LMO7: variants seen among roughly 807,000 people sequenced by gnomAD.
LMO7 encodes the protein LIM domain 7.
A neutral mutation model predicts 206.5 loss-of-function variants in LMO7; 120 were observed. The ratio of observed to expected loss-of-function variants is 0.58; its 90% CI spans 0.50 to 0.68. The LOEUF is 0.68. LMO7 is among the 30% of genes least tolerant of loss of function. The probability of loss-of-function intolerance (pLI) is 0.00; values close to 1 mark genes in which losing one functional copy is unlikely to be tolerated. For missense variants in LMO7, 1,959 were observed against 1,957.9 expected, an observed-to-expected ratio of 1.00 and a Z score of -0.01; for synonymous variants, 706 against 681.5, an observed-to-expected ratio of 1.04 and a Z score of -0.56.
At chr13:75,751,187 G>C (rs1940351022) in intron 3 of LMO7, among the ~76,000 whole-genome samples, 1 of 97,482 alleles carries the variant, frequency 1.0e-5, no homozygotes, top group Admixed American at 1.6e-4. Context: ...TTGAGACAGA[G>C]CCTCGCTCTG....
At chr13:75,650,115 G>A (rs979064216) in intron 1 of LMO7, among the ~76,000 whole-genome samples, 2 of 150,964 alleles carry the variant, frequency 1.3e-5, no homozygotes, top group African/African-American at 2.4e-5. Flanking sequence ...GAACTACTGT[G>A]CCTGGCCACA....
intron 1 of LMO7, among the ~76,000 whole-genome samples, chr13:75,693,413 T>C (rs1333604932): frequency 6.6e-6 from 1 of 152,184 alleles, no homozygotes; most frequent in Non-Finnish European, 1.5e-5. Context: ...AAATTTCATA[T>C]CAGCTGTGTG....
At chr13:75,811,208 CTTTTTTTTT>C (rs764599899) in intron 11 of LMO7, among the ~76,000 whole-genome samples, 1 of 130,704 alleles carries the variant, frequency 7.7e-6, no homozygotes, top group Non-Finnish European at 1.6e-5. Context: ...TTTTCTTTCT[CTTTTTTTTT>C]TTTTTTTTTA....
chr13:75,656,244 G>A lies in LMO7; in HGVS notation c.69+19518G>A, dbSNP rs747908105. Among the ~76,000 whole-genome samples the A allele has an allele frequency of 4.1e-4, 63 of 152,124 alleles. 1 individual carries two copies. The highest frequency in any genetic ancestry group is 8.8e-4 in the Non-Finnish European group (60 of 68,030). On this transcript the variant is annotated intron_variant, in intron 1 of 30. Transcript: ENST00000377534. ...GCAGCTCTCTTGCCCACTCTCTGGG[G>A]GCCAAATACTTTGCCTGGAACTGTG... is the stretch of plus-strand genomic sequence containing the variant.
chr13:75,821,293 A>T lies in LMO7; in HGVS notation c.2324A>T (p.Gln775Leu). The T allele has an allele frequency of 6.2e-7, 1 of 1,614,136 alleles. No homozygotes were observed. Residue 775 changes from glutamine to leucine, a missense_variant, in exon 14 of 31, where the codon CAG becomes CTG. Transcript: ENST00000377534. ...PTMTVSEASY[Q>L]SERVEEKGAT... Reference sequence around the variant, plus strand: ...ATGACTGTGTCAGAAGCAAGTTACCAGAGTGAGAGAGTAGAAGAGAAGGGA... The same window carrying T: ...ATGACTGTGTCAGAAGCAAGTTACCTGAGTGAGAGAGTAGAAGAGAAGGGA...
At chr13:75,742,215 T>G (rs1459296935) in intron 3 of LMO7, among the ~76,000 whole-genome samples, 1 of 151,934 alleles carries the variant, frequency 6.6e-6, no homozygotes, top group Non-Finnish European at 1.5e-5. Context: ...ACTGCTTAGA[T>G]AAATCAGAGA....
At chr13:75,725,765 C>T (rs1474745273) in intron 2 of LMO7, among the ~76,000 whole-genome samples, 1 of 152,026 alleles carries the variant, frequency 6.6e-6, no homozygotes, top group African/African-American at 2.4e-5. Context: ...TATTAACTAA[C>T]TTGTCTAATG....
intron 1 of LMO7, among the ~76,000 whole-genome samples, chr13:75,692,743 C>G (rs1224059995): frequency 6.6e-6 from 1 of 152,160 alleles, no homozygotes; most frequent in Non-Finnish European, 1.5e-5. Flanking sequence ...TCACTTCATA[C>G]CAGTTATCGA....
intron 1 of LMO7, among the ~76,000 whole-genome samples, chr13:75,684,205 A>G (rs2040785104): frequency 6.6e-6 from 1 of 152,152 alleles, no homozygotes; most frequent in African/African-American, 2.4e-5. Context: ...AAGTACTGGA[A>G]AAGTGCTTTG....
rs76465510 is a variant in LMO7, at chr13:75,758,723, A to G, written c.211-2209A>G. Among the ~76,000 whole-genome samples the G allele has an allele frequency of 4.3e-3, 653 of 152,264 alleles. 6 individuals carry two copies. Among genetic ancestry groups the G allele is most frequent in the African/African-American group, 0.015 (627 of 41,546 alleles). ...CAATCTGTACCTATTTGTCAACTAGATGAATGCTATTATGTTTGTATGAAA... is the reference window on the plus strand; with the variant it reads ...CAATCTGTACCTATTTGTCAACTAGGTGAATGCTATTATGTTTGTATGAAA... On this transcript the variant is annotated intron_variant, in intron 3 of 30. Coordinates refer to ENST00000377534, the MANE Select transcript of LMO7 (RefSeq NM_001306080.2).
chr13:75,808,065 G>A lies in LMO7; in HGVS notation c.1782G>A (p.Gln594=), dbSNP rs1274865760. 4 of 1,613,866 alleles carry A rather than the reference G, an allele frequency of 2.5e-6. No homozygotes were observed. Among genetic ancestry groups the A allele is most frequent in the Non-Finnish European group, 3.4e-6 (4 of 1,179,892 alleles). ...KKDDMLTRKI[Q]SWKLGTTVPP... ...ATGACATGCTGACACGTAAGATTCA[G>A]TCCTGGAAACTGGGAACTACCGTGC... Residue 594 remains glutamine (Q), a synonymous_variant, in exon 10 of 31, where the codon CAG becomes CAA. Coordinates refer to ENST00000377534, the MANE Select transcript of LMO7 (RefSeq NM_001306080.2).
chr13:75,825,778 G>A (rs1266316676), intron 15 of LMO7, among the ~76,000 whole-genome samples: 1 of 152,108 alleles, frequency 6.6e-6, no homozygotes, highest in Non-Finnish European at 1.5e-5. Context: ...TGTGACAGCT[G>A]CTGAGCAATA....
chr13:75,782,045 AG>A (rs1161045753), intron 4 of LMO7, among the ~76,000 whole-genome samples: 2 of 152,176 alleles, frequency 1.3e-5, no homozygotes, highest in Non-Finnish European at 2.9e-5. Flanking sequence ...TCAGATGAGT[AG>A]GTTGCAAAAA....
At chr13:75,785,421 G>T (rs1463036502) in intron 4 of LMO7, among the ~76,000 whole-genome samples, 1 of 151,970 alleles carries the variant, frequency 6.6e-6, no homozygotes, top group Non-Finnish European at 1.5e-5. Flanking sequence ...AGGAGATAAT[G>T]TACAATACTC....
chr13:75,690,307 G>A (rs1566313343), intron 1 of LMO7, among the ~76,000 whole-genome samples: 1 of 151,998 alleles, frequency 6.6e-6, no homozygotes, highest in African/African-American at 2.4e-5. Flanking sequence ...TTCCTCAAAG[G>A]TGGTCCAGGC....
chr13:75,811,226 T>TA (rs1595197531), intron 11 of LMO7, among the ~76,000 whole-genome samples: 2 of 150,620 alleles, frequency 1.3e-5, no homozygotes, highest in East Asian at 1.9e-4. Flanking sequence ...TTTTTTTTTT[T>TA]AAGAGATGGA....
At chr13:75,784,053 A>G (rs2051997035) in intron 4 of LMO7, among the ~76,000 whole-genome samples, 1 of 152,002 alleles carries the variant, frequency 6.6e-6, no homozygotes, top group African/African-American at 2.4e-5. Flanking sequence ...GCCCCATGAC[A>G]TTTGACAATA....
intron 8 of LMO7, chr13:75,805,164 G>A (rs1256475530): frequency 8.6e-7 from 1 of 1,159,290 alleles, no homozygotes; most frequent in African/African-American, 1.6e-5. Context: ...AGAAATACTT[G>A]TCCTGGATCT....
At chr13:75,826,148 C>T (rs929724717) in intron 15 of LMO7, among the ~76,000 whole-genome samples, 3 of 152,046 alleles carry the variant, frequency 2.0e-5, no homozygotes, top group African/African-American at 7.2e-5. Flanking sequence ...TGAAGCAATC[C>T]TCCCACCTTA....
Sources: allele counts gnomAD v4.1 joint callset (sites outside exome capture counted in the v4.1 genomes callset), GRCh38; gene constraint gnomAD v4.1.1; transcripts MANE v1.5; gene names NCBI Gene and HGNC (gene_info 2026-07-23, HGNC 2026-07-21).